The following SLC30A7 variants were observed in gnomAD, a reference collection of about 807,000 sequenced individuals.
SLC30A7 encodes solute carrier family 30 member 7.
SLC30A7 carries 35 observed loss-of-function variants against 46.0 expected under a neutral mutation model. The observed-to-expected ratio is 0.76, with a 90% CI of 0.58 to 1.01. The LOEUF (loss-of-function observed/expected upper bound fraction) is 1.01. SLC30A7 is among the 50% of genes least tolerant of loss of function. The pLI, the probability that SLC30A7 is intolerant of heterozygous loss-of-function variation, is 0.00. For synonymous variants in SLC30A7, 147 were observed against 157.8 expected (o/e 0.93, Z 0.51); for missense variants, 464 against 451.1 (o/e 1.03, Z -0.26).
At chr1:100,961,722 C>G (rs187159487) in intron 8 of SLC30A7, 106 bp from the exon 9 acceptor site, 3 of 526,808 alleles carry the variant, frequency 5.7e-6, no homozygotes, top group Non-Finnish European at 1.0e-5. Flanking sequence ...ATATTATTCC[C>G]GTAAGTCCTA....
rs1237124437 is a variant in SLC30A7 at position 100,980,713 on chromosome 1, C to T, written c.*5856C>T. ...TGAGCTGCTCATTCTTTTTCATATA[C>T]AGTGGAAGTATACAGATGTTATCCA... On this transcript the variant is annotated 3_prime_UTR_variant, in exon 11 of 11. Coordinates refer to ENST00000357650, the MANE Select transcript of SLC30A7 (RefSeq NM_133496.5). The T allele has an allele frequency of 6.6e-6, 1 of 151,406 alleles. No individual in the cohort carries two copies. Among genetic ancestry groups the T allele is most frequent in the Non-Finnish European group, 1.5e-5 (1 of 67,848 alleles). 9.4% of individuals were successfully genotyped at this position (151,406 alleles called of 1,614,324 possible). A position where few individuals can be genotyped will look rare whatever the true frequency, so the allele number is the denominator to read the frequency against.
chr1:100,965,879 T>C lies in SLC30A7; in HGVS notation c.1044T>C (p.Ala348=). 1 of 1,613,890 alleles carries C rather than the reference T, an allele frequency of 6.2e-7. No individual in the cohort carries two copies. Among genetic ancestry groups the C allele is most frequent in the Non-Finnish European group, 8.5e-7 (1 of 1,179,920 alleles). ...TAATAGTAGCACCTGATGCTGATGC[T>C]AGGTGGATTTTAAGCCAAACACATA... is the stretch of plus-strand genomic sequence containing the variant. ...LKLIVAPDAD[A]RWILSQTHNI... The change falls in exon 10 of 11, where the codon GCT becomes GCC. Residue 348 remains alanine (A), a synonymous_variant. Transcript: ENST00000357650.
At chr1:100,971,230 TATCTA>T (rs1656144048) in intron 10 of SLC30A7, among the ~76,000 whole-genome samples, 1 of 152,152 alleles carries the variant, frequency 6.6e-6, no homozygotes, top group Non-Finnish European at 1.5e-5. Flanking sequence ...CCTGTGGCTT[TATCTA>T]ACTTTGCTCT....
intron 8 of SLC30A7, among the ~76,000 whole-genome samples, chr1:100,956,220 T>C (rs927297535): frequency 6.6e-6 from 1 of 152,148 alleles, no homozygotes; most frequent in African/African-American, 2.4e-5. Flanking sequence ...ATCTACATAT[T>C]GTTCTTGAAT....
chr1:100,928,140 A>G (rs1653428107), intron 8 of SLC30A7, among the ~76,000 whole-genome samples: 1 of 152,194 alleles, frequency 6.6e-6, no homozygotes, highest in South Asian at 2.1e-4. Context: ...GAAGGGGGGC[A>G]ATCAGGAATT....
At chr1:100,931,868 C>T (rs1653683256) in intron 8 of SLC30A7, among the ~76,000 whole-genome samples, 1 of 152,040 alleles carries the variant, frequency 6.6e-6, no homozygotes, top group Non-Finnish European at 1.5e-5. Flanking sequence ...TTTTCCTTTA[C>T]CCTAAAGCCA....
chr1:100,969,110 C>T (rs1413362894), intron 10 of SLC30A7, among the ~76,000 whole-genome samples: 6 of 152,310 alleles, frequency 3.9e-5, no homozygotes, highest in Non-Finnish European at 7.4e-5. Flanking sequence ...TACACTACTA[C>T]AAACAATATG....
At chr1:100,909,523 G>A (rs947986072) in intron 3 of SLC30A7, among the ~76,000 whole-genome samples, 2 of 151,900 alleles carry the variant, frequency 1.3e-5, no homozygotes, top group African/African-American at 4.8e-5. Context: ...ACTTAATTAG[G>A]CAACAGCACA....
At chr1:100,922,687 A>G (rs573163016) in intron 8 of SLC30A7, among the ~76,000 whole-genome samples, 3 of 152,342 alleles carry the variant, frequency 2.0e-5, no homozygotes, top group South Asian at 2.1e-4. Flanking sequence ...GGGACAATGT[A>G]TATGGAAAGA....
At chr1:100,947,430 A>G (rs898180122) in intron 8 of SLC30A7, among the ~76,000 whole-genome samples, 1 of 152,070 alleles carries the variant, frequency 6.6e-6, no homozygotes, top group Non-Finnish European at 1.5e-5. Flanking sequence ...GTTTGTTGTG[A>G]TTTCTGTTCT....
At chr1:100,993,559 A>AATATATATGT in the SLC30A7 span, among the ~76,000 whole-genome samples, 3 of 56,546 alleles carry the variant, frequency 5.3e-5, no homozygotes, top group African/African-American at 1.9e-4. Flanking sequence ...CGAAAATATA[A>AATATATATGT]ATATATATAT....
At chr1:100,948,060 T>C (rs1315740673) in intron 8 of SLC30A7, among the ~76,000 whole-genome samples, 1 of 152,188 alleles carries the variant, frequency 6.6e-6, no homozygotes. Context: ...TTAAGGTTAA[T>C]ATTGTTATGT....
intron 10 of SLC30A7, among the ~76,000 whole-genome samples, chr1:100,967,142 C>T (rs565456327): frequency 6.6e-6 from 1 of 152,158 alleles, no homozygotes; most frequent in Non-Finnish European, 1.5e-5. Flanking sequence ...TGTTCTCAGT[C>T]TAGTTTGTTG....
intron 8 of SLC30A7, among the ~76,000 whole-genome samples, chr1:100,937,420 A>G (rs1163503577): frequency 2.0e-5 from 3 of 152,168 alleles, no homozygotes; most frequent in Non-Finnish European, 2.9e-5. Flanking sequence ...TAATTTCTCC[A>G]CATGCTTTCC....
chr1:100,931,265 A>G (rs1653649085), intron 8 of SLC30A7, among the ~76,000 whole-genome samples: 1 of 152,294 alleles, frequency 6.6e-6, no homozygotes, highest in East Asian at 1.9e-4. Flanking sequence ...AATTCAGTAC[A>G]ACTACCAATA....
At chr1:100,986,984 CTA>C in the SLC30A7 span, among the ~76,000 whole-genome samples, 1 of 152,208 alleles carries the variant, frequency 6.6e-6, no homozygotes, top group Admixed American at 6.5e-5. Context: ...ACTGAAAACA[CTA>C]TTGTTCATCC....
intron 2 of SLC30A7, among the ~76,000 whole-genome samples, chr1:100,900,395 T>C (rs1651238331): frequency 6.6e-6 from 1 of 152,242 alleles, no homozygotes; most frequent in Non-Finnish European, 1.5e-5. Context: ...CAGTGTGATA[T>C]TTCACAGCAG....
At chr1:100,971,805 G>T (rs1370247833) in intron 10 of SLC30A7, among the ~76,000 whole-genome samples, 2 of 152,076 alleles carry the variant, frequency 1.3e-5, no homozygotes, top group Non-Finnish European at 2.9e-5. Flanking sequence ...ATTTTAAAGG[G>T]ATAAGGATGA....
chr1:100,915,193 T>TTTTCTTTCTTTCTTTCTTTCTTTCTTTC (rs200989431), intron 6 of SLC30A7, among the ~76,000 whole-genome samples: 1 of 90,786 alleles, frequency 1.1e-5, no homozygotes, highest in Non-Finnish European at 2.2e-5. Context: ...CTTTTCTTTC[T>TTTTCTTTCTTTCTTTCTTTCTTTCTTTC]TTTCTTTCTT....
Sources: gnomAD v4.1 joint callset for allele counts (sites outside exome capture counted in the v4.1 genomes callset) on GRCh38, gnomAD v4.1.1 for gene constraint, MANE v1.5 for transcripts, NCBI Gene and HGNC (gene_info 2026-07-23, HGNC 2026-07-21) for gene names.